RXFP2: variants seen among roughly 807,000 people sequenced by gnomAD.
RXFP2 encodes the protein relaxin receptor 2.
RXFP2 carries 68 observed loss-of-function variants against 88.6 expected under a neutral mutation model. The observed-to-expected ratio is 0.77, with a 90% confidence interval of 0.63 to 0.94. RXFP2 has a LOEUF of 0.94. RXFP2 is among the 40% of genes least tolerant of loss of function. The pLI, the probability that RXFP2 is intolerant of heterozygous loss-of-function variation, is 0.00. For synonymous variants in RXFP2, 329 were observed against 306.8 expected (o/e 1.07, Z -0.76); for missense variants, 791 against 893.9 (o/e 0.88, Z 1.47).
chr13:31,756,695 C>T (rs996889260), intron 1 of RXFP2, among the ~76,000 whole-genome samples: 8 of 149,154 alleles, frequency 5.4e-5, no homozygotes, highest in Non-Finnish European at 8.9e-5. Context: ...CATCTTGGCT[C>T]GCTGCAACCT....
At chr13:31,762,497 G>A (rs563716985) in intron 3 of RXFP2, among the ~76,000 whole-genome samples, 1 of 152,360 alleles carries the variant, frequency 6.6e-6, no homozygotes, top group African/African-American at 2.4e-5. Context: ...GCTGGTGCTA[G>A]CCCATGAAGG....
At chr13:31,784,251 A>G (rs1033032863) in intron 11 of RXFP2, among the ~76,000 whole-genome samples, 1 of 152,134 alleles carries the variant, frequency 6.6e-6, no homozygotes, top group African/African-American at 2.4e-5. Context: ...GAGCCCACTT[A>G]AGAGATGCCA....
chr13:31,763,081 C>CT (rs71099991), intron 3 of RXFP2, among the ~76,000 whole-genome samples: 18 of 112,834 alleles, frequency 1.6e-4, no homozygotes, highest in South Asian at 6.3e-4. Context: ...TGTCTGGAGA[C>CT]TTTTTTTTTT....
chr13:31,764,926 G>C, intron 3 of RXFP2, 111 bp from the exon 4 acceptor site: 1 of 688,194 alleles, frequency 1.5e-6, no homozygotes, highest in Non-Finnish European at 2.6e-6. Flanking sequence ...TCATTTAACA[G>C]ATGTAAATTT....
rs181077867 is a variant in RXFP2 at position 31,782,236 on chromosome 13, C to T, written c.858-440C>T. On this transcript the variant is annotated intron_variant, in intron 10 of 17. Transcript: ENST00000298386. ...TCGCTGTTTATATTTTTTATGGGGG[C>T]GGGAAGGCAGATGGTTTGGTCAATC... 2.8e-3 allele frequency among the ~76,000 whole-genome samples: 426 copies of T among 151,996 alleles called. 6 individuals are homozygous for T. Among genetic ancestry groups the T allele is most frequent in the Middle Eastern group, 0.014 (4 of 292 alleles).
chr13:31,782,515 G>A (rs533395844), intron 10 of RXFP2, among the ~76,000 whole-genome samples, 161 bp from the exon 11 acceptor site: 2 of 152,238 alleles, frequency 1.3e-5, no homozygotes, highest in South Asian at 2.1e-4. Flanking sequence ...GGATGTCCAC[G>A]GTGAAAAAGT....
chr13:31,740,423 C>T (rs1284384791), intron 1 of RXFP2, among the ~76,000 whole-genome samples: 1 of 152,036 alleles, frequency 6.6e-6, no homozygotes, highest in African/African-American at 2.4e-5. Flanking sequence ...CCAAGATTTG[C>T]TGGGGTTTAT....
At chr13:31,773,233 T>C (rs1211421344) in intron 5 of RXFP2, among the ~76,000 whole-genome samples, 2 of 152,192 alleles carry the variant, frequency 1.3e-5, no homozygotes, top group African/African-American at 4.8e-5. Flanking sequence ...GGGGTTAAGA[T>C]GGCACAAGGT....
chr13:31,769,980 T>A (rs532951033), intron 5 of RXFP2, among the ~76,000 whole-genome samples: 4 of 152,358 alleles, frequency 2.6e-5, no homozygotes, highest in African/African-American at 9.6e-5. Flanking sequence ...CACTAAATTG[T>A]CTTTCTATAT....
At chr13:31,753,793 C>G (rs570494687) in intron 1 of RXFP2, among the ~76,000 whole-genome samples, 2 of 152,170 alleles carry the variant, frequency 1.3e-5, no homozygotes, top group South Asian at 2.1e-4. Context: ...TTGAAAAGTG[C>G]TCTTCCTTCA....
intron 1 of RXFP2, among the ~76,000 whole-genome samples, chr13:31,756,487 T>C (rs1243258085): frequency 2.0e-5 from 3 of 152,184 alleles, no homozygotes; most frequent in African/African-American, 7.2e-5. Flanking sequence ...TTCTGGGTCA[T>C]GATGCTAGCC....
At chr13:31,769,593 G>A (rs560489242) in intron 5 of RXFP2, among the ~76,000 whole-genome samples, 10 of 152,150 alleles carry the variant, frequency 6.6e-5, no homozygotes, top group East Asian at 1.9e-4. Context: ...TAACATGACC[G>A]AGGCAAATAG....
At chr13:31,752,710 G>T (rs1871724933) in intron 1 of RXFP2, among the ~76,000 whole-genome samples, 2 of 152,234 alleles carry the variant, frequency 1.3e-5, no homozygotes, top group South Asian at 4.2e-4. Context: ...CGCAGAAGTA[G>T]GGGCAGGCTC....
chr13:31,751,450 A>G (rs1232030054), intron 1 of RXFP2, among the ~76,000 whole-genome samples: 1 of 152,206 alleles, frequency 6.6e-6, no homozygotes. Flanking sequence ...GTGCATCACA[A>G]AAGAAGAATC....
intron 13 of RXFP2, among the ~76,000 whole-genome samples, chr13:31,788,009 C>T (rs914084512): frequency 6.6e-6 from 1 of 152,168 alleles, no homozygotes; most frequent in Non-Finnish European, 1.5e-5. Flanking sequence ...CACCAACTTA[C>T]ACAAAGCATT....
intron 1 of RXFP2, among the ~76,000 whole-genome samples, chr13:31,757,260 G>A (rs1169963866): frequency 6.6e-6 from 1 of 152,186 alleles, no homozygotes; most frequent in African/African-American, 2.4e-5. Flanking sequence ...CAATGGCTAA[G>A]GGTGGGCCTA....
chr13:31,763,360 C>A (rs181452647), intron 3 of RXFP2, among the ~76,000 whole-genome samples: 1 of 152,062 alleles, frequency 6.6e-6, no homozygotes, highest in Admixed American at 6.6e-5. Context: ...GTTGGGATTA[C>A]GGGTGTGAGC....
chr13:31,770,636 T>G (rs573263621), intron 5 of RXFP2, among the ~76,000 whole-genome samples: 21 of 152,362 alleles, frequency 1.4e-4, no homozygotes, highest in African/African-American at 4.6e-4. Context: ...ACTGAGACTT[T>G]CCTTGACACT....
intron 9 of RXFP2, among the ~76,000 whole-genome samples, chr13:31,781,282 C>T (rs549978840): frequency 6.6e-6 from 1 of 152,216 alleles, no homozygotes; most frequent in East Asian, 1.9e-4. Context: ...TCACCAAAAG[C>T]CTTGGATTTC....
Sources: gnomAD v4.1 joint callset for allele counts (sites outside exome capture counted in the v4.1 genomes callset) on GRCh38, gnomAD v4.1.1 for gene constraint, MANE v1.5 for transcripts, NCBI Gene and HGNC (gene_info 2026-07-23, HGNC 2026-07-21) for gene names.